ATP11C: variants seen among roughly 807,000 people sequenced by gnomAD.
ATP11C encodes ATPase phospholipid transporting 11C (ATP11C blood group).
In ATP11C, 36 loss-of-function variants were observed where a neutral mutation model predicts 97.4. The ratio of observed to expected loss-of-function variants is 0.37; its 90% CI spans 0.28 to 0.49. The LOEUF is 0.49. Ranked by LOEUF, ATP11C falls within the 20% of genes least tolerant of loss-of-function variation. The probability of loss-of-function intolerance (pLI) is 0.98; values close to 1 mark genes in which losing one functional copy is unlikely to be tolerated. For missense variants in ATP11C, 730 were observed against 824.6 expected (o/e 0.89, Z 1.40); for synonymous variants, 275 against 290.9 (o/e 0.95, Z 0.56).
intron 1 of ATP11C, 124 bp from the exon 2 acceptor site, chrX:139,826,947 G>T: frequency 1.5e-6 from 1 of 684,376 alleles, no homozygotes; most frequent in Non-Finnish European, 2.1e-6. Flanking sequence ...AGGGAGAGGA[G>T]AAAACCTTGT....
chrX:139,852,516 A>G (rs1016282862), intron 1 of ATP11C, among the ~76,000 whole-genome samples: 1 of 83,548 alleles, frequency 1.2e-5, no homozygotes, highest in African/African-American at 4.2e-5. Flanking sequence ...GGATCCTCAC[A>G]TACTGTGGCA....
chrX:139,892,090 C>A (rs1173804431), intron 1 of ATP11C, among the ~76,000 whole-genome samples: 1 of 111,742 alleles, frequency 8.9e-6, no homozygotes, highest in Non-Finnish European at 1.9e-5. Context: ...TTCCTGACCT[C>A]ATGTGATCTG....
At chrX:139,879,126 A>C (rs2084522666) in intron 1 of ATP11C, among the ~76,000 whole-genome samples, 1 of 110,345 alleles carries the variant, frequency 9.1e-6, no homozygotes, top group Non-Finnish European at 1.9e-5. Context: ...AAACAAAACA[A>C]AACAGGAGAC....
intron 12 of ATP11C, among the ~76,000 whole-genome samples, chrX:139,791,815 CTCTTCT>C (rs755664873): frequency 3.6e-5 from 4 of 111,472 alleles, no homozygotes; most frequent in Admixed American, 9.6e-5. Flanking sequence ...CAAGCAGCCT[CTCTTCT>C]TCTTCAAGCT....
chrX:139,738,714 T>G (rs905649935), intron 27 of ATP11C, among the ~76,000 whole-genome samples: 7 of 111,084 alleles, frequency 6.3e-5, no homozygotes, highest in African/African-American at 2.3e-4. Flanking sequence ...TCATTCTGAG[T>G]CATCCACTTC....
rs189773449 is a variant in ATP11C at position 139,922,082 on chromosome X, G to A, written c.27+9934C>T. Among the ~76,000 whole-genome samples the A allele has an allele frequency of 3.1e-4, 33 of 105,807 alleles. No homozygotes were observed. In the East Asian group the frequency reaches 9.8e-3, roughly 32 times the overall value. The allele number at this position is 105,807 out of a possible 115,157, so 91.9% of individuals were successfully genotyped here. ...TAGCCAGGTGTGGTGGCACACGCCT[G>A]TAGTCTCAGCTACTCAGGAGGCTGA... On this transcript the variant is annotated intron_variant, in intron 1 of 29. Transcript: ENST00000682941.
At chrX:139,779,373 T>C (rs986152805) in intron 18 of ATP11C, among the ~76,000 whole-genome samples, 4 of 111,785 alleles carry the variant, frequency 3.6e-5, no homozygotes, top group African/African-American at 1.3e-4. Context: ...CTCAAAATCA[T>C]ACAGAAGCAT....
At chrX:139,783,402 A>G in intron 16 of ATP11C, 135 bp from the exon 17 acceptor site, 3 of 390,265 alleles carry the variant, frequency 7.7e-6, no homozygotes, top group Non-Finnish European at 1.3e-5. Flanking sequence ...ACTCACCTAA[A>G]TGGAATGAGA....
chrX:139,833,509 C>A (rs778705119), intron 1 of ATP11C, among the ~76,000 whole-genome samples: 1 of 110,156 alleles, frequency 9.1e-6, no homozygotes, highest in African/African-American at 3.3e-5. Flanking sequence ...ATAGTGAGAC[C>A]CCTGTCTCTA....
chrX:139,889,691 A>G (rs2084699371), intron 1 of ATP11C, among the ~76,000 whole-genome samples: 1 of 112,154 alleles, frequency 8.9e-6, no homozygotes, highest in Admixed American at 9.5e-5. Context: ...ATTTCTGATT[A>G]TAAATTTAAG....
chrX:139,867,140 G>A (rs1239287736), intron 1 of ATP11C, among the ~76,000 whole-genome samples: 2 of 111,556 alleles, frequency 1.8e-5, no homozygotes, highest in Admixed American at 1.9e-4. Flanking sequence ...TTGTTGAATC[G>A]TTCAACAAAT....
At chrX:139,798,388 A>T (rs1366004297) in intron 9 of ATP11C, 34 bp from the exon 10 acceptor site, 2 of 1,068,754 alleles carry the variant, frequency 1.9e-6, no homozygotes, top group Non-Finnish European at 2.6e-6. Context: ...AAAACTAAGA[A>T]CTTGTCAACC....
Position 139,774,800 on chromosome X carries a change from T to C in ATP11C, c.2106A>G (p.Thr702=), listed in dbSNP as rs376444715. The change falls in exon 19 of 30, where the codon ACA becomes ACG. Residue 702 remains threonine, a synonymous_variant. Coordinates refer to ENST00000682941, the MANE Select transcript of ATP11C (RefSeq NM_001353812.2). ...QTNTELLELT[T]KTIEESERKE... ...TCCTTTCACTTTCTTCAATGGTTTT[T>C]GTGGTTAGTTCTAAGAGCTCAGTGT... 4 of 1,210,544 alleles carry C rather than the reference T, an allele frequency of 3.3e-6. No homozygotes were observed. The African/African-American group carries it at 7.0e-5, about 21-fold the overall frequency.
At chrX:139,930,522 C>T (rs1168306614) in intron 1 of ATP11C, among the ~76,000 whole-genome samples, 1 of 111,457 alleles carries the variant, frequency 9.0e-6, no homozygotes, top group Admixed American at 9.6e-5. Flanking sequence ...GTCACCCCCA[C>T]GCAACACTCC....
rs185198077 is a variant in ATP11C at position 139,852,035 on chromosome X, C to T, written c.28-25212G>A. On this transcript the variant is annotated intron_variant, in intron 1 of 29. Transcript: ENST00000682941. Reference sequence around the variant, plus strand: ...ATTCTGGAATGAGTTAAGACTTCTGCGGTGTCATGTGCCTATAGTCCCAGC... The same window carrying T: ...ATTCTGGAATGAGTTAAGACTTCTGTGGTGTCATGTGCCTATAGTCCCAGC... Among the ~76,000 whole-genome samples, 140 of 109,919 alleles carry T rather than the reference C, an allele frequency of 1.3e-3. 2 individuals carry two copies. In the South Asian group the frequency reaches 0.052, roughly 41 times the overall value.
intron 24 of ATP11C, among the ~76,000 whole-genome samples, chrX:139,748,580 C>T (rs1466880826): frequency 9.0e-6 from 1 of 111,126 alleles, no homozygotes; most frequent in East Asian, 2.9e-4. Context: ...CATTTCGGGG[C>T]CCTGGTTCCT....
intron 2 of ATP11C, among the ~76,000 whole-genome samples, chrX:139,824,957 T>C (rs1406116840): frequency 8.9e-6 from 1 of 111,840 alleles, no homozygotes; most frequent in Non-Finnish European, 1.9e-5. Context: ...CTGGTATAAA[T>C]ACAAACAGCC....
chrX:139,789,416 C>T lies in ATP11C; in HGVS notation c.1279G>A (p.Asp427Asn). 1 of 1,205,962 alleles carries T rather than the reference C, an allele frequency of 8.3e-7. No individual in the cohort carries two copies. The highest frequency in any genetic ancestry group is 1.7e-5 in the African/African-American group (1 of 57,678). Residue 427 changes from aspartate to asparagine, a missense_variant, in exon 13 of 30, where the codon GAT becomes AAT. Transcript: ENST00000682941. Reference sequence around the variant, plus strand: ...GTTACACCTTTATATTTGTGGCCATCTATGCAGCATTCAATGAATTCCATG... The same window carrying T: ...GTTACACCTTTATATTTGTGGCCATTTATGCAGCATTCAATGAATTCCATG... ...NSMEFIECCI[D>N]GHKYKGVTQE...
intron 1 of ATP11C, among the ~76,000 whole-genome samples, chrX:139,849,368 G>A (rs373818475): frequency 1.8e-5 from 2 of 110,385 alleles, no homozygotes; most frequent in Non-Finnish European, 3.8e-5. Flanking sequence ...AAAACTCCAC[G>A]ATTTCCTTGA....
Sources: allele counts gnomAD v4.1 joint callset (sites outside exome capture counted in the v4.1 genomes callset), GRCh38; gene constraint gnomAD v4.1.1; transcripts MANE v1.5; gene names NCBI Gene and HGNC (gene_info 2026-07-23, HGNC 2026-07-21).